DRC11: variants seen among roughly 807,000 people sequenced by gnomAD.
The protein encoded by DRC11 is dynein regulatory complex subunit 11.
chr2:236,505,948 T>A, the DRC11 span, among the ~76,000 whole-genome samples: 6 of 152,320 alleles, frequency 3.9e-5, no homozygotes, highest in Middle Eastern at 6.8e-3. Flanking sequence ...AAGAGTTAGC[T>A]ATGCTCACCA....
chr2:236,356,923 CATAT>C, the DRC11 span, among the ~76,000 whole-genome samples: 4 of 140,196 alleles, frequency 2.9e-5, no homozygotes, highest in South Asian at 8.9e-4. Context: ...TATATATATT[CATAT>C]ATATTTATAT....
the DRC11 span, chr2:236,408,351 G>A: frequency 1.3e-6 from 1 of 764,686 alleles, no homozygotes; most frequent in South Asian, 1.3e-5. The surrounding 1 kb of genome is among the most constrained non-coding windows in gnomAD (Gnocchi z 5.5). Context: ...GGGTCTTGCA[G>A]GGTAGCTTCT....
At chr2:236,417,486 C>G in the DRC11 span, among the ~76,000 whole-genome samples, 1 of 151,882 alleles carries the variant, frequency 6.6e-6, no homozygotes, top group Non-Finnish European at 1.5e-5. Flanking sequence ...TCTCAACAGT[C>G]ACTGTGGATC....
the DRC11 span, among the ~76,000 whole-genome samples, chr2:236,388,126 C>G: frequency 6.6e-6 from 1 of 152,142 alleles, no homozygotes; most frequent in African/African-American, 2.4e-5. Flanking sequence ...TGGTGAATCT[C>G]ACGATTATGT....
the DRC11 span, among the ~76,000 whole-genome samples, chr2:236,383,440 G>T: frequency 1.3e-5 from 2 of 151,818 alleles, no homozygotes; most frequent in Non-Finnish European, 2.9e-5. Flanking sequence ...CTATTTCATG[G>T]ATTTCTGCTC....
the DRC11 span, among the ~76,000 whole-genome samples, chr2:236,348,838 C>T: frequency 1.3e-5 from 2 of 152,172 alleles, no homozygotes; most frequent in Non-Finnish European, 2.9e-5. The surrounding 1 kb of genome is among the most constrained non-coding windows in gnomAD (Gnocchi z 7.4). Context: ...GGTTTCTCTG[C>T]ACTCTCTCAA....
At chr2:236,416,768 T>TATATAAAA in the DRC11 span, among the ~76,000 whole-genome samples, 3 of 92,940 alleles carry the variant, frequency 3.2e-5, no homozygotes, top group South Asian at 1.2e-3. Context: ...TATATATATA[T>TATATAAAA]AAATAATTTT....
chr2:236,484,580 T>C, the DRC11 span, among the ~76,000 whole-genome samples: 3 of 151,886 alleles, frequency 2.0e-5, no homozygotes, highest in Non-Finnish European at 4.4e-5. Context: ...GTATATTGTA[T>C]ACTTTGCTCA....
the DRC11 span, among the ~76,000 whole-genome samples, chr2:236,394,500 G>A: frequency 6.9e-4 from 105 of 152,194 alleles, no homozygotes; most frequent in African/African-American, 2.2e-3. The surrounding 1 kb of genome is among the most constrained non-coding windows in gnomAD (Gnocchi z 7.0). Context: ...GTGTGGTGGC[G>A]TGCACCTGAA....
the DRC11 span, among the ~76,000 whole-genome samples, chr2:236,352,525 G>A: frequency 3.9e-5 from 6 of 152,242 alleles, no homozygotes; most frequent in South Asian, 2.1e-4. This position sits in a 1 kb window ranked among gnomAD's most constrained non-coding sequence, Gnocchi z 7.0. Flanking sequence ...GTTGGCAGGC[G>A]CATCTGCTGG....
At chr2:236,408,582 G>T in the DRC11 span, 1 of 726,358 alleles carries the variant, frequency 1.4e-6, no homozygotes, top group African/African-American at 1.7e-5. The surrounding 1 kb of genome is among the most constrained non-coding windows in gnomAD (Gnocchi z 5.5). Context: ...TGTGGGTGTG[G>T]CAGTGACATG....
At chr2:236,368,338 A>G in the DRC11 span, 1 of 1,270,180 alleles carries the variant, frequency 7.9e-7, no homozygotes, top group African/African-American at 1.5e-5. Context: ...ATAAATGGAA[A>G]ACAGCGCTGG....
At chr2:236,503,675 G>A in the DRC11 span, 2 of 1,550,828 alleles carry the variant, frequency 1.3e-6, no homozygotes, top group Non-Finnish European at 1.7e-6. This position sits in a 1 kb window ranked among gnomAD's most constrained non-coding sequence, Gnocchi z 4.9. Context: ...CCTTCCACCA[G>A]ACCCTCTTCC....
chr2:236,324,749 C>T, the DRC11 span: 19 of 1,605,862 alleles, frequency 1.2e-5, no homozygotes, highest in East Asian at 6.7e-5. This position sits in a 1 kb window ranked among gnomAD's most constrained non-coding sequence, Gnocchi z 5.7. Context: ...CGCCAAGGCA[C>T]GTTTTTTACC....
chr2:236,495,419 T>C, the DRC11 span, among the ~76,000 whole-genome samples: 2 of 152,172 alleles, frequency 1.3e-5, no homozygotes, highest in African/African-American at 2.4e-5. This position sits in a 1 kb window ranked among gnomAD's most constrained non-coding sequence, Gnocchi z 5.6. Context: ...AAGAGAGATA[T>C]TGGTTGCTCC....
chr2:236,494,592 C>A, the DRC11 span, among the ~76,000 whole-genome samples: 1 of 152,154 alleles, frequency 6.6e-6, no homozygotes, highest in Non-Finnish European at 1.5e-5. The surrounding 1 kb of genome is among the most constrained non-coding windows in gnomAD (Gnocchi z 4.2). Flanking sequence ...TTCTGTCAGA[C>A]CTGCCTGGCT....
the DRC11 span, among the ~76,000 whole-genome samples, chr2:236,480,515 C>G: frequency 6.6e-6 from 1 of 152,072 alleles, no homozygotes; most frequent in African/African-American, 2.4e-5. Context: ...CTGTTAAGAA[C>G]CTCTAATGTA....
At chr2:236,427,855 G>A in the DRC11 span, among the ~76,000 whole-genome samples, 1 of 151,720 alleles carries the variant, frequency 6.6e-6, no homozygotes, top group Non-Finnish European at 1.5e-5. The surrounding 1 kb of genome is among the most constrained non-coding windows in gnomAD (Gnocchi z 5.9). Flanking sequence ...CTTCTTTTAT[G>A]GTGTAGGCAT....
the DRC11 span, among the ~76,000 whole-genome samples, chr2:236,357,564 A>AT: frequency 7.9e-6 from 1 of 127,098 alleles, no homozygotes; most frequent in Non-Finnish European, 1.5e-5. Flanking sequence ...ATATTTACAT[A>AT]TATGCATAGT....
Sources: allele counts gnomAD v4.1 joint callset (sites outside exome capture counted in the v4.1 genomes callset), GRCh38; gene constraint gnomAD v4.1.1; non-coding constraint Gnocchi (gnomAD v3.1); transcripts MANE v1.5; gene names NCBI Gene and HGNC (gene_info 2026-07-23, HGNC 2026-07-21).